CTTNBP2NL: variants seen among roughly 807,000 people sequenced by gnomAD.
The protein encoded by CTTNBP2NL is CTTNBP2 N-terminal like, also known as CTTNBP2 N-terminal-like protein.
Under a neutral mutation model 32.5 loss-of-function variants are expected in CTTNBP2NL, and 16 were observed. The ratio of observed to expected loss-of-function variants is 0.49; its 90% CI spans 0.33 to 0.75. The LOEUF (loss-of-function observed/expected upper bound fraction) is 0.75. Ranked by LOEUF, CTTNBP2NL falls within the 30% of genes least tolerant of loss-of-function variation. The pLI, the probability that CTTNBP2NL is intolerant of heterozygous loss-of-function variation, is 0.02. For missense variants in CTTNBP2NL, 645 were observed against 756.0 expected, an observed-to-expected ratio of 0.85 and a Z score of 1.72; for synonymous variants, 298 against 289.4, an observed-to-expected ratio of 1.03 and a Z score of -0.30.
chr1:112,437,849 A>G (rs1036435960), intron 3 of CTTNBP2NL, among the ~76,000 whole-genome samples: 8 of 152,102 alleles, frequency 5.3e-5, no homozygotes, highest in South Asian at 2.1e-4. Context: ...GATGCTGGAT[A>G]TTAGACGTTT....
At chr1:112,436,683 G>A (rs376236556) in intron 3 of CTTNBP2NL, among the ~76,000 whole-genome samples, 1 of 150,988 alleles carries the variant, frequency 6.6e-6, no homozygotes, top group African/African-American at 2.4e-5. Context: ...TTTATTTTAA[G>A]TTCAGGGGTA....
intron 3 of CTTNBP2NL, among the ~76,000 whole-genome samples, chr1:112,441,272 C>T (rs763372493): frequency 4.0e-4 from 61 of 152,164 alleles, no homozygotes; most frequent in Non-Finnish European, 6.8e-4. Flanking sequence ...TTGTTTATTC[C>T]ACAACTTCAT....
intron 3 of CTTNBP2NL, among the ~76,000 whole-genome samples, chr1:112,440,071 C>T (rs1649853163): frequency 6.6e-6 from 1 of 152,150 alleles, no homozygotes; most frequent in Admixed American, 6.6e-5. Flanking sequence ...ATCTCTGTTC[C>T]CATGTCATTA....
upstream of CTTNBP2NL, among the ~76,000 whole-genome samples, chr1:112,392,611 C>T (rs1024743561): frequency 2.6e-5 from 4 of 152,046 alleles, no homozygotes; most frequent in Non-Finnish European, 5.9e-5. Context: ...CAGATGAGGT[C>T]ATGGTGGAAT....
At chr1:112,399,683 A>G (rs1024350417) in intron 1 of CTTNBP2NL, among the ~76,000 whole-genome samples, 2 of 152,200 alleles carry the variant, frequency 1.3e-5, no homozygotes, top group Non-Finnish European at 2.9e-5. Flanking sequence ...AGCAGGAAGC[A>G]GAGATATGCT....
chr1:112,425,897 A>G (rs1372874233), intron 3 of CTTNBP2NL, among the ~76,000 whole-genome samples: 2 of 151,620 alleles, frequency 1.3e-5, no homozygotes, highest in Non-Finnish European at 1.5e-5. Flanking sequence ...TGGATTTTCT[A>G]CAGACAATTA....
chr1:112,420,283 T>G (rs557173788), intron 3 of CTTNBP2NL, among the ~76,000 whole-genome samples: 4 of 151,952 alleles, frequency 2.6e-5, no homozygotes, highest in Admixed American at 2.6e-4. Context: ...TAGCTGGGAT[T>G]ACAGGCGTGC....
At chr1:112,398,427 C>T (rs1260661157) in intron 1 of CTTNBP2NL, among the ~76,000 whole-genome samples, 1 of 152,026 alleles carries the variant, frequency 6.6e-6, no homozygotes, top group African/African-American at 2.4e-5. Flanking sequence ...ATCTTTATAT[C>T]TTTCACAGTT....
intron 3 of CTTNBP2NL, among the ~76,000 whole-genome samples, chr1:112,426,666 G>A (rs1777615): frequency 0.35 from 52,736 of 148,618 alleles, 9,665 homozygotes; most frequent in East Asian, 0.55. Flanking sequence ...GAGTGCAGTG[G>A]CATGATCTCG....
Position 112,458,246 on chromosome 1 carries a change from T to C in CTTNBP2NL, c.*834T>C, listed in dbSNP as rs1466101671. On this transcript the variant is annotated 3_prime_UTR_variant, in exon 6 of 6. Transcript: ENST00000271277. Reference sequence around the variant, plus strand: ...ATAGGAAATGGTTACTCATTCTGTATAAAAGTTTTGCAAGAGAATGAATTT... The same window carrying C: ...ATAGGAAATGGTTACTCATTCTGTACAAAAGTTTTGCAAGAGAATGAATTT... 1 of 152,676 alleles carries C rather than the reference T, an allele frequency of 6.5e-6. No homozygotes were observed. The highest frequency in any genetic ancestry group is 6.5e-5 in the Admixed American group (1 of 15,282). 9.5% of individuals were successfully genotyped at this position (152,676 alleles called of 1,614,324 possible). A position where few individuals can be genotyped will look rare whatever the true frequency, so the allele number is the denominator to read the frequency against.
chr1:112,436,575 T>C (rs1649736159), intron 3 of CTTNBP2NL, among the ~76,000 whole-genome samples: 1 of 152,172 alleles, frequency 6.6e-6, no homozygotes, highest in Non-Finnish European at 1.5e-5. Flanking sequence ...CTCACACGTC[T>C]GGCCTCAAGT....
chr1:112,393,967 G>A (rs1648244942), upstream of CTTNBP2NL, among the ~76,000 whole-genome samples: 3 of 152,110 alleles, frequency 2.0e-5, no homozygotes, highest in African/African-American at 7.2e-5. Context: ...AGCCACTTTG[G>A]GAGGCCAGCA....
In CTTNBP2NL at chr1:112,459,345, A is replaced by T. The variant is rs1257606364; in HGVS notation, c.*1933A>T. 1.3e-5 allele frequency: 2 copies of T among 152,226 alleles called. No homozygotes were observed. The highest frequency in any genetic ancestry group is 4.8e-5 in the African/African-American group (2 of 41,452). The allele number at this position is 152,226 out of a possible 1,614,324, so 9.4% of individuals were successfully genotyped here. On this transcript the variant is annotated 3_prime_UTR_variant, in exon 6 of 6. Coordinates refer to ENST00000271277, the MANE Select transcript of CTTNBP2NL (RefSeq NM_018704.3). ...AACCCAGCTCAGACACAGTGGTTAT[A>T]TGATTTTGTGTCCATACAGGAGAGG...
At chr1:112,442,944 C>G (rs1016800060) in intron 3 of CTTNBP2NL, among the ~76,000 whole-genome samples, 2 of 152,082 alleles carry the variant, frequency 1.3e-5, no homozygotes, top group African/African-American at 4.8e-5. Context: ...CCTGCCTCGG[C>G]CTCTCAAAGT....
rs780864634 is a variant in CTTNBP2NL, at chr1:112,416,191, C to G, written c.26C>G (p.Pro9Arg). Residue 9 changes from proline (P) to arginine (R), a missense_variant, in exon 3 of 6, where the codon CCT (proline) becomes CGT (arginine). Transcript: ENST00000271277. MNLEKLSK[P>R]ELLTLFSILE... ...ATGAATCTGGAAAAACTCAGCAAGC[C>G]TGAACTCCTGACACTATTTAGTATT... The G allele has an allele frequency of 6.2e-7, 1 of 1,607,634 alleles. No homozygotes were observed. Among genetic ancestry groups the G allele is most frequent in the African/African-American group, 1.3e-5 (1 of 74,454 alleles).
chr1:112,426,605 CTTTT>C (rs35801433), intron 3 of CTTNBP2NL, among the ~76,000 whole-genome samples: 1 of 129,594 alleles, frequency 7.7e-6, no homozygotes, highest in Non-Finnish European at 1.7e-5. Flanking sequence ...TACGGCAAAA[CTTTT>C]TTTTTTTTTT....
chr1:112,425,956 CGTGTGTGTGTGT>C (rs376135147), intron 3 of CTTNBP2NL, among the ~76,000 whole-genome samples: 21 of 119,764 alleles, frequency 1.8e-4, no homozygotes, highest in South Asian at 6.9e-4. Flanking sequence ...ATCTGGATGC[CGTGTGTGTGTGT>C]GTGTGTGTGT....
intron 1 of CTTNBP2NL, among the ~76,000 whole-genome samples, chr1:112,404,875 A>G (rs756609781): frequency 2.0e-5 from 3 of 152,142 alleles, no homozygotes; most frequent in Non-Finnish European, 2.9e-5. Flanking sequence ...AAAATGGAGG[A>G]ACCCCGTCTC....
intron 3 of CTTNBP2NL, among the ~76,000 whole-genome samples, chr1:112,446,831 T>C (rs1650056994): frequency 6.6e-6 from 1 of 152,092 alleles, no homozygotes; most frequent in South Asian, 2.1e-4. Flanking sequence ...ATTACAGACA[T>C]GAGATGCTGC....
Sources: allele counts gnomAD v4.1 joint callset (sites outside exome capture counted in the v4.1 genomes callset), GRCh38; gene constraint gnomAD v4.1.1; transcripts MANE v1.5; gene names NCBI Gene and HGNC (gene_info 2026-07-23, HGNC 2026-07-21).